SLC16A9: variants seen among roughly 807,000 people sequenced by gnomAD.
SLC16A9 encodes the protein solute carrier family 16 member 9, also known as monocarboxylate transporter 9.
A neutral mutation model predicts 44.3 loss-of-function variants in SLC16A9; 26 were observed. The ratio of observed to expected loss-of-function variants is 0.59; its 90% CI spans 0.43 to 0.81. The LOEUF (loss-of-function observed/expected upper bound fraction) is 0.81, where lower values mean the gene tolerates loss of function less well. Among genes scored for constraint, SLC16A9 ranks in the 40% least tolerant of loss-of-function variants. The pLI, the probability that SLC16A9 is intolerant of heterozygous loss-of-function variation, is 0.00. For missense variants in SLC16A9, 559 were observed against 595.8 expected (o/e 0.94, Z 0.64); for synonymous variants, 230 against 225.1 (o/e 1.02, Z -0.19).
At position 59,697,110 on chromosome 10, in the gene SLC16A9, G is replaced by A. The variant is rs1223229183; in HGVS notation, c.-37+12369C>T. Among the ~76,000 whole-genome samples the A allele has an allele frequency of 2.0e-5, 2 of 100,062 alleles. 1 individual carries two copies. Among genetic ancestry groups the A allele is most frequent in the Non-Finnish European group, 4.2e-5 (2 of 47,244 alleles). The allele number at this position is 100,062 out of a possible 152,430, so 65.6% of individuals were successfully genotyped here. Reference sequence around the variant, plus strand: ...GCCGCCCTGTCCGGGAGGGAGGTGGGGGGGTTCAGCCCCCCGCCCAGCCAG... The same window carrying A: ...GCCGCCCTGTCCGGGAGGGAGGTGGAGGGGTTCAGCCCCCCGCCCAGCCAG... On this transcript the variant is annotated intron_variant, in intron 1 of 5. Coordinates refer to ENST00000395348, the MANE Select transcript of SLC16A9 (RefSeq NM_194298.3).
chr10:59,683,021 C>T (rs1840057180), intron 2 of SLC16A9, among the ~76,000 whole-genome samples: 1 of 151,914 alleles, frequency 6.6e-6, no homozygotes, highest in Non-Finnish European at 1.5e-5. Context: ...TGAAAGACAT[C>T]CCCTTTACAA....
At chr10:59,677,273 T>C (rs1400583608) in intron 2 of SLC16A9, among the ~76,000 whole-genome samples, 44 of 151,996 alleles carry the variant, frequency 2.9e-4, no homozygotes, top group Admixed American at 2.8e-3. Context: ...AAAAAAATTA[T>C]AGAGACAGGG....
chr10:59,670,659 A>G (rs1839728637), intron 3 of SLC16A9, among the ~76,000 whole-genome samples: 1 of 152,210 alleles, frequency 6.6e-6, no homozygotes, highest in African/African-American at 2.4e-5. Context: ...TACAAATGTT[A>G]CCATTAGACT....
intron 4 of SLC16A9, among the ~76,000 whole-genome samples, chr10:59,654,876 A>G (rs943616756): frequency 2.0e-5 from 3 of 152,178 alleles, no homozygotes; most frequent in South Asian, 2.1e-4. Context: ...ATTATTCCCA[A>G]TCTAGAGATG....
chr10:59,696,556 T>C (rs12416038), intron 1 of SLC16A9, among the ~76,000 whole-genome samples: 6,284 of 143,782 alleles, frequency 0.044, 232 homozygotes, highest in East Asian at 0.13. Context: ...CGTCTCTGCC[T>C]GGCCGCCCAT....
intron 1 of SLC16A9, among the ~76,000 whole-genome samples, chr10:59,703,726 G>C (rs1171623): frequency 2.0e-5 from 3 of 146,678 alleles, no homozygotes; most frequent in East Asian, 2.0e-4. Flanking sequence ...TTTTTTTTTC[G>C]TTTTTTTTTT....
chr10:59,673,713 C>T (rs1839799908), intron 2 of SLC16A9, among the ~76,000 whole-genome samples: 1 of 152,212 alleles, frequency 6.6e-6, no homozygotes, highest in African/African-American at 2.4e-5. Context: ...AATTCTCACA[C>T]ACTGCTGGCA....
At chr10:59,697,351 G>A (rs968568986) in intron 1 of SLC16A9, among the ~76,000 whole-genome samples, 6 of 150,578 alleles carry the variant, frequency 4.0e-5, no homozygotes, top group Non-Finnish European at 7.4e-5. Flanking sequence ...TGTAGAAAGA[G>A]GTAGACATGG....
At chr10:59,678,398 T>G (rs1462802476) in intron 2 of SLC16A9, among the ~76,000 whole-genome samples, 2 of 151,644 alleles carry the variant, frequency 1.3e-5, no homozygotes, top group Admixed American at 1.3e-4. Context: ...AAAAAGGCAC[T>G]AAGGAGCCAC....
chr10:59,687,847 C>A (rs1436139014), intron 1 of SLC16A9, among the ~76,000 whole-genome samples: 1 of 151,840 alleles, frequency 6.6e-6, no homozygotes, highest in Non-Finnish European at 1.5e-5. Flanking sequence ...GTAGTCTCAG[C>A]TGCTCAAAAG....
chr10:59,680,405 G>A (rs866825375), intron 2 of SLC16A9, among the ~76,000 whole-genome samples: 1 of 152,132 alleles, frequency 6.6e-6, no homozygotes, highest in African/African-American at 2.4e-5. Context: ...TCTTGGCAAG[G>A]TTCCAGCTCC....
chr10:59,702,465 A>G (rs1171626), intron 1 of SLC16A9, among the ~76,000 whole-genome samples: 143,282 of 152,280 alleles, frequency 0.94, 67,499 homozygotes, highest in Middle Eastern at 0.99. Flanking sequence ...TCGTGGCTCA[A>G]AACTGTCATT....
At chr10:59,697,216 C>T (rs2132533890) in intron 1 of SLC16A9, among the ~76,000 whole-genome samples, 1 of 151,604 alleles carries the variant, frequency 6.6e-6, no homozygotes, top group African/African-American at 2.4e-5. Context: ...CCGGCCACCA[C>T]CCCGTCTGGG....
intron 3 of SLC16A9, among the ~76,000 whole-genome samples, chr10:59,666,302 A>AT (rs1839615889): frequency 6.6e-6 from 1 of 151,406 alleles, no homozygotes. Context: ...CTGTCTCAAA[A>AT]AAAAAAAAAA....
chr10:59,706,757 G>A (rs939564884), intron 1 of SLC16A9, among the ~76,000 whole-genome samples: 8 of 152,144 alleles, frequency 5.3e-5, no homozygotes. Flanking sequence ...TTGATCACCT[G>A]AGGTCAGAAG....
intron 1 of SLC16A9, among the ~76,000 whole-genome samples, chr10:59,707,336 GGGGAAGGGAGGGGAA>G (rs1840666216): frequency 1.8e-5 from 2 of 111,472 alleles, no homozygotes; most frequent in South Asian, 6.4e-4. Flanking sequence ...AGGGAAGGGA[GGGGAAGGGAGGGGAA>G]GGGAAGGGAA....
intron 2 of SLC16A9, among the ~76,000 whole-genome samples, chr10:59,678,527 T>TC (rs1465150408): frequency 2.2e-5 from 1 of 45,616 alleles, no homozygotes; most frequent in East Asian, 5.9e-4. Flanking sequence ...ACCAATCTTT[T>TC]TTTTTTCTTT....
chr10:59,663,420 A>T (rs1342380847), intron 4 of SLC16A9, among the ~76,000 whole-genome samples: 1 of 152,182 alleles, frequency 6.6e-6, no homozygotes, highest in Non-Finnish European at 1.5e-5. Context: ...ACGGAATACT[A>T]TGCAGCCATA....
intron 4 of SLC16A9, among the ~76,000 whole-genome samples, chr10:59,660,318 A>T (rs1373849969): frequency 6.6e-6 from 1 of 152,198 alleles, no homozygotes; most frequent in Non-Finnish European, 1.5e-5. Flanking sequence ...GATAAAGGGG[A>T]GATCACCACT....
Sources: gnomAD v4.1 joint callset for allele counts (sites outside exome capture counted in the v4.1 genomes callset) on GRCh38, gnomAD v4.1.1 for gene constraint, MANE v1.5 for transcripts, NCBI Gene and HGNC (gene_info 2026-07-23, HGNC 2026-07-21) for gene names.